Variants in RARB observed in about 807,000 individuals in gnomAD.
The protein encoded by RARB is HBV-activated protein.
Under a neutral mutation model 51.9 loss-of-function variants are expected in RARB, and 17 were observed. That is an observed-to-expected ratio of 0.33 (90% CI 0.22 to 0.49). The LOEUF is 0.49. RARB is among the 20% of genes least tolerant of loss of function. The pLI is 0.99. For missense variants in RARB, 369 were observed against 550.8 expected (o/e 0.67, Z 3.30); for synonymous variants, 215 against 195.4 (o/e 1.10, Z -0.84).
chr3:24,858,090 C>G (rs562120450), intron 1 of RARB, among the ~76,000 whole-genome samples: 21 of 152,282 alleles, frequency 1.4e-4, no homozygotes, highest in South Asian at 2.1e-4. Context: ...ACTTTGCTTT[C>G]TTAAAAAATG....
intron 2 of RARB, among the ~76,000 whole-genome samples, chr3:24,947,683 G>C (rs536950304): frequency 6.6e-6 from 1 of 152,230 alleles, no homozygotes; most frequent in African/African-American, 2.4e-5. Flanking sequence ...AGCATGATTG[G>C]TTTCCTTACC....
chr3:25,301,586 G>A (rs1372032021), intron 5 of RARB, among the ~76,000 whole-genome samples: 4 of 152,044 alleles, frequency 2.6e-5, no homozygotes, highest in Non-Finnish European at 5.9e-5. Context: ...TATGGAGGTG[G>A]GCCTGGGTGT....
intron 5 of RARB, among the ~76,000 whole-genome samples, chr3:25,351,874 GTTTCTGATTATGC>G (rs1484984574): frequency 6.6e-6 from 1 of 152,154 alleles, no homozygotes; most frequent in Non-Finnish European, 1.5e-5. Flanking sequence ...TAATGTGAGT[GTTTCTGATTATGC>G]TAACCTTAAC....
chr3:25,367,828 C>CAAAAAAAAAAAAAA (rs1559374236), intron 5 of RARB, among the ~76,000 whole-genome samples: 8 of 139,492 alleles, frequency 5.7e-5, no homozygotes, highest in East Asian at 2.2e-4. Context: ...AAAAAAAAAA[C>CAAAAAAAAAAAAAA]AAAAACAAAA....
intron 5 of RARB, among the ~76,000 whole-genome samples, chr3:25,211,815 C>T (rs917256297): frequency 6.6e-6 from 1 of 152,060 alleles, no homozygotes; most frequent in Non-Finnish European, 1.5e-5. Flanking sequence ...AGGTGATGGG[C>T]CAGATTTTGT....
At position 24,946,686 on chromosome 3, in the gene RARB, TAGTG is replaced by T. The variant is rs1487587681; in HGVS notation, c.-380+87937_-380+87940del. 2.6e-5 allele frequency among the ~76,000 whole-genome samples: 4 copies of T among 152,076 alleles called. No individual in the cohort carries two copies. The East Asian group carries it at 7.8e-4, about 30-fold the overall frequency. On this transcript the variant is annotated intron_variant, in intron 2 of 11. Transcript: ENST00000383772. ...GAATTAGAGACCAGCTTAGGCAACA[TAGTG>T]AGATCCTGTCTTTACAAAAAATAGA...
intron 2 of RARB, among the ~76,000 whole-genome samples, chr3:24,994,632 C>T (rs952447243): frequency 1.3e-5 from 2 of 151,866 alleles, no homozygotes; most frequent in African/African-American, 4.8e-5. Flanking sequence ...GTTTCGGGTA[C>T]CACATGTAGG....
chr3:25,537,825 C>T (rs1699206136), intron 3 of RARB, among the ~76,000 whole-genome samples: 1 of 152,184 alleles, frequency 6.6e-6, no homozygotes, highest in Non-Finnish European at 1.5e-5. Flanking sequence ...TTCTCCCAAC[C>T]TGTATCTCCT....
intron 3 of RARB, among the ~76,000 whole-genome samples, chr3:25,524,679 A>G (rs73149318): frequency 0.042 from 5,130 of 120,790 alleles, 287 homozygotes; most frequent in African/African-American, 0.15. Flanking sequence ...TCCTCTTCCT[A>G]TCCTCTTCTT....
intron 2 of RARB, among the ~76,000 whole-genome samples, chr3:25,463,573 G>C (rs560250538): frequency 5.3e-5 from 8 of 151,758 alleles, no homozygotes; most frequent in African/African-American, 1.9e-4. Context: ...TGAGGCAGGA[G>C]AATTGCTTGA....
At chr3:25,294,424 A>G (rs1378771654) in intron 5 of RARB, among the ~76,000 whole-genome samples, 3 of 152,212 alleles carry the variant, frequency 2.0e-5, no homozygotes, top group Non-Finnish European at 4.4e-5. Flanking sequence ...CATTCCAGCT[A>G]TTTCTAGCAG....
intron 5 of RARB, among the ~76,000 whole-genome samples, chr3:25,271,346 C>T (rs1703253033): frequency 6.6e-6 from 1 of 152,060 alleles, no homozygotes; most frequent in South Asian, 2.1e-4. Context: ...TCTTGAAATG[C>T]CATATAGGAT....
At chr3:24,943,695 T>A (rs981648053) in intron 2 of RARB, among the ~76,000 whole-genome samples, 3 of 152,234 alleles carry the variant, frequency 2.0e-5, no homozygotes, top group Non-Finnish European at 4.4e-5. Flanking sequence ...TGTGTCAGAA[T>A]ATTTTAAGGT....
intron 4 of RARB, among the ~76,000 whole-genome samples, chr3:25,575,340 C>T (rs1225635872): frequency 1.3e-5 from 2 of 152,154 alleles, no homozygotes; most frequent in Non-Finnish European, 2.9e-5. Context: ...GGACCCCTGA[C>T]CTAGACCATT....
intron 5 of RARB, among the ~76,000 whole-genome samples, chr3:25,178,997 G>C (rs1263061316): frequency 1.3e-5 from 2 of 152,150 alleles, no homozygotes; most frequent in African/African-American, 4.8e-5. Flanking sequence ...CTCTCAAAAT[G>C]ATCTTAGTTT....
At chr3:25,404,441 G>T (rs1559386937) in intron 5 of RARB, among the ~76,000 whole-genome samples, 1 of 152,160 alleles carries the variant, frequency 6.6e-6, no homozygotes, top group Non-Finnish European at 1.5e-5. Context: ...TTCTGACTAG[G>T]CCAAAGGGAG....
chr3:25,384,307 T>A (rs1191408479), intron 5 of RARB, among the ~76,000 whole-genome samples: 2 of 152,174 alleles, frequency 1.3e-5, no homozygotes, highest in Non-Finnish European at 2.9e-5. Context: ...TGTCTCTTCA[T>A]CCCTCCCTCC....
chr3:24,976,075 C>G (rs1023822057), intron 2 of RARB, among the ~76,000 whole-genome samples: 1 of 152,148 alleles, frequency 6.6e-6, no homozygotes, highest in Non-Finnish European at 1.5e-5. Flanking sequence ...CAGCTTCATC[C>G]ATGTCCCTGC....
chr3:25,344,760 C>T (rs1427547394), intron 5 of RARB, among the ~76,000 whole-genome samples: 1 of 152,128 alleles, frequency 6.6e-6, no homozygotes, highest in African/African-American at 2.4e-5. Flanking sequence ...TCTTTTGAAG[C>T]TAGTGTAACT....
Sources: allele counts gnomAD v4.1 joint callset (sites outside exome capture counted in the v4.1 genomes callset), GRCh38; gene constraint gnomAD v4.1.1; transcripts MANE v1.5; gene names NCBI Gene and HGNC (gene_info 2026-07-23, HGNC 2026-07-21).